The following CHD9 variants were observed in gnomAD, a reference collection of about 807,000 sequenced individuals.
The protein encoded by CHD9 is chromodomain helicase DNA binding protein 9, also known as ATP-dependent chromatin remodeler CHD9.
CHD9 carries 77 observed loss-of-function variants against 316.1 expected under a neutral mutation model. That is an observed-to-expected ratio of 0.24 (90% CI 0.20 to 0.29). The LOEUF is 0.29. Ranked by LOEUF, CHD9 falls within the 10% of genes least tolerant of loss-of-function variation. The pLI is 1.00. For missense variants in CHD9, 2,763 were observed against 3,438.1 expected (o/e 0.80, Z 4.91); for synonymous variants, 1,129 against 1,158.3 (o/e 0.97, Z 0.51).
Position 53,286,246 on chromosome 16 carries a change from A to G in CHD9, c.5092A>G (p.Ile1698Val). 1.2e-6 allele frequency: 2 copies of G among 1,609,520 alleles called. No individual in the cohort carries two copies. Among genetic ancestry groups the G allele is most frequent in the Non-Finnish European group, 8.5e-7 (1 of 1,176,050 alleles). The part of the protein sequence containing the change: ...FKHGYEKYNT[I>V]RADPALCFLE... ...TTCAGGATATGAAAAATATAACACT[A>G]TTCGAGCAGACCCAGCATTATGCTT... Residue 1698 changes from isoleucine (I) to valine (V), a missense_variant, in exon 26 of 39, where the codon ATT becomes GTT. Around this residue, in one of 15 missense-constraint regions of CHD9, gnomAD observed 183 missense variants for 258.5 expected, o/e 0.71. Transcript: ENST00000447540.
chr16:53,228,738 T>G (rs1567519841), intron 7 of CHD9, among the ~76,000 whole-genome samples: 1 of 152,142 alleles, frequency 6.6e-6, no homozygotes, highest in Non-Finnish European at 1.5e-5. Context: ...GCAATTAGAC[T>G]TTTGATCATT....
chr16:53,085,777 A>C (rs1310453444), intron 1 of CHD9, among the ~76,000 whole-genome samples: 1 of 152,140 alleles, frequency 6.6e-6, no homozygotes, highest in Non-Finnish European at 1.5e-5. Flanking sequence ...CTGCCGGGTA[A>C]ATATTTTGGA....
At chr16:53,323,391 C>T (rs1313924167) in intron 38 of CHD9, among the ~76,000 whole-genome samples, 1 of 152,152 alleles carries the variant, frequency 6.6e-6, no homozygotes, top group Non-Finnish European at 1.5e-5. Flanking sequence ...ACTCTTAAAA[C>T]TTCTAAGAGT....
intron 1 of CHD9, among the ~76,000 whole-genome samples, chr16:53,113,177 T>G (rs1672759707): frequency 6.6e-6 from 1 of 152,038 alleles, no homozygotes; most frequent in Admixed American, 6.6e-5. Flanking sequence ...GAGCGAGACC[T>G]TGTCTCAGAA....
intron 2 of CHD9, among the ~76,000 whole-genome samples, chr16:53,160,299 C>T (rs1412626770): frequency 1.3e-5 from 2 of 151,976 alleles, no homozygotes; most frequent in Non-Finnish European, 2.9e-5. Flanking sequence ...TTAATTAATG[C>T]ATTTCTAAAC....
chr16:53,131,244 G>GGGGGGCGGC (rs1190897265), intron 1 of CHD9: 1 of 150,630 alleles, frequency 6.6e-6, no homozygotes, highest in Admixed American at 6.6e-5. Context: ...CAGTCGAGGC[G>GGGGGGCGGC]GGGGGCGGCG....
intron 24 of CHD9, among the ~76,000 whole-genome samples, chr16:53,281,605 T>C (rs1284717023): frequency 1.3e-5 from 2 of 152,180 alleles, no homozygotes; most frequent in African/African-American, 4.8e-5. Context: ...TTCTAATTTC[T>C]CTTAGAATAA....
At position 53,292,972 on chromosome 16, in the gene CHD9, G is replaced by A. The variant is rs1175544962; in HGVS notation, c.5430G>A (p.Val1810=). 6.2e-7 allele frequency: 1 copy of A among 1,613,814 alleles called. No individual in the cohort carries two copies. The highest frequency in any genetic ancestry group is 1.7e-5 in the Admixed American group (1 of 60,002). Residue 1810 remains valine (V), a synonymous_variant, in exon 29 of 39, where the codon GTG becomes GTA. Transcript: ENST00000447540. ...QIQQIQPTFS[V]PTSVMQPIYE... ...AGCAGATACAACCGACTTTCTCGGTGCCTACCAGTGTAATGCAGCCTATTT... is the reference window on the plus strand; with the variant it reads ...AGCAGATACAACCGACTTTCTCGGTACCTACCAGTGTAATGCAGCCTATTT...
intron 2 of CHD9, among the ~76,000 whole-genome samples, chr16:53,183,939 ATTTTTTTTTTTTT>A (rs1396543900): frequency 3.4e-5 from 5 of 145,604 alleles, no homozygotes; most frequent in Non-Finnish European, 6.1e-5. Context: ...TACCTGGCTA[ATTTTTTTTTTTTT>A]CTTTTTTTTT....
intron 10 of CHD9, among the ~76,000 whole-genome samples, chr16:53,233,963 T>C (rs2048396446): frequency 6.6e-6 from 1 of 152,174 alleles, no homozygotes; most frequent in Non-Finnish European, 1.5e-5. Context: ...GCCAGGATAA[T>C]GTTATTTGAA....
intron 2 of CHD9, among the ~76,000 whole-genome samples, chr16:53,181,212 T>C (rs766139717): frequency 2.6e-5 from 4 of 152,122 alleles, no homozygotes; most frequent in Non-Finnish European, 5.9e-5. Context: ...CGTTTCTCCA[T>C]GTTGGTCAGG....
rs56028815 is a variant in CHD9, at chr16:53,304,497, G to GTTCTTC, written c.6495_6500dup (p.Ser2169_Ser2170dup). 6.4e-7 allele frequency: 1 copy of GTTCTTC among 1,553,230 alleles called. No homozygotes were observed. The highest frequency in any genetic ancestry group is 2.0e-5 in the Admixed American group (1 of 51,042). On this transcript the variant is annotated inframe_insertion, in exon 31 of 39. Transcript: ENST00000447540. Reference sequence around the variant, plus strand: ...TGCTCCCACTCTCGATCAGGCTCTAGTTCTTCTTCATCTTCATCTTGTTCT... The same window carrying GTTCTTC: ...TGCTCCCACTCTCGATCAGGCTCTAGTTCTTCTTCTTCTTCATCTTCATCTTGTTCT...
At chr16:53,286,154 C>T (rs547243456) in intron 25 of CHD9, 72 bp from the exon 26 acceptor site, 16 of 733,722 alleles carry the variant, frequency 2.2e-5, no homozygotes, top group South Asian at 1.5e-4. Flanking sequence ...ACTGTAAATA[C>T]GAGGAATGCT....
In CHD9 at chr16:53,078,349, T is replaced by G. The variant is rs540916155; in HGVS notation, c.-165+23272T>G. 2.3e-3 allele frequency among the ~76,000 whole-genome samples: 357 copies of G among 152,250 alleles called. 3 individuals are homozygous for G. Among genetic ancestry groups the G allele is most frequent in the African/African-American group, 8.3e-3 (344 of 41,540 alleles). On this transcript the variant is annotated intron_variant, in intron 1 of 38. Coordinates refer to ENST00000447540, the MANE Select transcript of CHD9 (RefSeq NM_001308319.2). The stretch of plus-strand genomic sequence containing the variant: ...TTTCACAGGAAGGGGTTAGTTATCT[T>G]GGGAGTGAGGAGGATGAAGTTCGGC...
At chr16:53,278,703 T>C (rs893124798) in intron 24 of CHD9, among the ~76,000 whole-genome samples, 7 of 152,164 alleles carry the variant, frequency 4.6e-5, no homozygotes, top group Non-Finnish European at 7.3e-5. Context: ...GAGAAGGATA[T>C]GAACAGACAC....
chr16:53,064,307 TC>T (rs1260939851), intron 1 of CHD9, among the ~76,000 whole-genome samples: 1 of 152,206 alleles, frequency 6.6e-6, no homozygotes, highest in African/African-American at 2.4e-5. Context: ...CTTGGCCTCT[TC>T]CCCTCCAGCA....
In CHD9 at chr16:53,324,645, A is replaced by T; in HGVS notation, c.8444A>T (p.His2815Leu). Residue 2815 changes from histidine to leucine, a missense_variant, in exon 39 of 39, where the codon CAT becomes CTT. His to Leu is a moderately conservative substitution (Grantham distance 99, BLOSUM62 -3). Transcript: ENST00000447540. ...GMLLTPGLNLHIPTLSQSNTF... is the reference protein window; with the variant it reads ...GMLLTPGLNLLIPTLSQSNTF... ...CTTCTCACTCCAGGCCTTAATCTTC[A>T]TATTCCAACTTTGTCCCAGTCCAAT... 2 of 1,613,808 alleles carry T rather than the reference A, an allele frequency of 1.2e-6. No homozygotes were observed. Among genetic ancestry groups the T allele is most frequent in the Non-Finnish European group, 1.7e-6 (2 of 1,179,816 alleles).
intron 2 of CHD9, among the ~76,000 whole-genome samples, chr16:53,184,680 G>A (rs1435001666): frequency 6.6e-6 from 1 of 152,048 alleles, no homozygotes; most frequent in Non-Finnish European, 1.5e-5. Context: ...CATGTAGAAG[G>A]CCTTGGATGC....
intron 1 of CHD9, among the ~76,000 whole-genome samples, chr16:53,119,538 G>A (rs1246875986): frequency 6.6e-6 from 1 of 151,998 alleles, no homozygotes; most frequent in Non-Finnish European, 1.5e-5. Context: ...TATCAAGTAA[G>A]GAAAAACAAG....
Sources: gnomAD v4.1 joint callset for allele counts (sites outside exome capture counted in the v4.1 genomes callset) on GRCh38, gnomAD v4.1.1 for gene constraint, gnomAD v4.1.1 regional missense constraint, MANE v1.5 for transcripts, NCBI Gene and HGNC (gene_info 2026-07-23, HGNC 2026-07-21) for gene names.